Variants in WDR70 observed in about 807,000 individuals in gnomAD.
WDR70 encodes WD repeat domain 70, also known as WD repeat-containing protein 70.
A neutral mutation model predicts 88.6 loss-of-function variants in WDR70; 53 were observed. The observed-to-expected ratio is 0.60, with a 90% CI of 0.48 to 0.75. WDR70 has a LOEUF of 0.75. Ranked by LOEUF, WDR70 falls within the 30% of genes least tolerant of loss-of-function variation. WDR70 has a pLI of 0.00. For missense variants in WDR70, 610 were observed against 823.2 expected, an observed-to-expected ratio of 0.74 and a Z score of 3.17; for synonymous variants, 280 against 270.0, an observed-to-expected ratio of 1.04 and a Z score of -0.36.
At position 37,481,348 on chromosome 5, in the gene WDR70, A is replaced by G. The variant is rs1321065859; in HGVS notation, c.840+1361A>G. Among the ~76,000 whole-genome samples the G allele has an allele frequency of 3.3e-5, 5 of 152,246 alleles. No homozygotes were observed. The East Asian group carries it at 5.8e-4, about 18-fold the overall frequency. ...CATGAGGGCCCCCCCCGCTCCCTGC[A>G]GCAAACTTTTGCCTGGATTTTCAGG... On this transcript the variant is annotated intron_variant, in intron 8 of 17. Coordinates refer to ENST00000265107, the MANE Select transcript of WDR70 (RefSeq NM_018034.4).
chr5:37,452,137 T>A (rs1394833130), intron 7 of WDR70, among the ~76,000 whole-genome samples: 1 of 152,240 alleles, frequency 6.6e-6, no homozygotes, highest in Non-Finnish European at 1.5e-5. Context: ...ATGTTAATGA[T>A]CGCTGCTTGT....
intron 8 of WDR70, among the ~76,000 whole-genome samples, chr5:37,482,545 T>G (rs1739705636): frequency 6.6e-6 from 1 of 152,208 alleles, no homozygotes; most frequent in African/African-American, 2.4e-5. Context: ...GATTCAGTTA[T>G]CTGCACCTGG....
chr5:37,414,144 CAAAAAA>C (rs59026349), intron 5 of WDR70, among the ~76,000 whole-genome samples: 19 of 94,090 alleles, frequency 2.0e-4, no homozygotes, highest in Admixed American at 1.9e-3. Context: ...AACTCTGTCT[CAAAAAA>C]AAAAAAAAAA....
In WDR70 at chr5:37,669,627, C is replaced by T. The variant is rs111772768; in HGVS notation, c.1093-28028C>T. Among the ~76,000 whole-genome samples the T allele has an allele frequency of 5.4e-4, 82 of 152,010 alleles. 2 individuals are homozygous for T. The highest frequency in any genetic ancestry group is 1.8e-3 in the African/African-American group (75 of 41,440). On this transcript the variant is annotated intron_variant, in intron 10 of 17. Transcript: ENST00000265107. ...GTCTGGGTCCTCTGAGAAGCAGACA[C>T]CAAGACAGGATTAAATGTGTAAGAG...
intron 10 of WDR70, chr5:37,688,070 C>T: frequency 2.0e-6 from 1 of 495,848 alleles, no homozygotes; most frequent in Non-Finnish European, 3.6e-6. Context: ...CATGTGTTTA[C>T]TTATATTTTC....
chr5:37,532,060 T>G (rs1741509577), intron 9 of WDR70, among the ~76,000 whole-genome samples: 1 of 152,212 alleles, frequency 6.6e-6, no homozygotes, highest in African/African-American at 2.4e-5. Context: ...GAAAATTGTT[T>G]TGTTTAAGGA....
intron 13 of WDR70, among the ~76,000 whole-genome samples, chr5:37,716,054 T>C (rs1196192247): frequency 2.0e-5 from 3 of 152,164 alleles, no homozygotes; most frequent in Admixed American, 6.5e-5. Context: ...GGCTTTTCAT[T>C]TGAAAATTGT....
At chr5:37,503,575 C>T (rs992565069) in intron 8 of WDR70, among the ~76,000 whole-genome samples, 6 of 152,186 alleles carry the variant, frequency 3.9e-5, no homozygotes, top group African/African-American at 1.2e-4. Flanking sequence ...CAGCTCCATC[C>T]ACATCCCTGC....
intron 5 of WDR70, among the ~76,000 whole-genome samples, chr5:37,399,712 G>A (rs1200967822): frequency 6.6e-6 from 1 of 151,824 alleles, no homozygotes; most frequent in African/African-American, 2.4e-5. Context: ...TATAATCTTT[G>A]TTTATTTTGA....
chr5:37,614,098 A>G (rs182102368), intron 10 of WDR70, among the ~76,000 whole-genome samples: 6 of 152,364 alleles, frequency 3.9e-5, no homozygotes, highest in East Asian at 1.9e-4. Flanking sequence ...TTACAATTCT[A>G]TAGGCTAAAG....
intron 10 of WDR70, among the ~76,000 whole-genome samples, chr5:37,683,663 T>G (rs1298208478): frequency 6.6e-6 from 1 of 152,222 alleles, no homozygotes; most frequent in Non-Finnish European, 1.5e-5. Context: ...ATGTTGAATA[T>G]TGGCTCCCAG....
intron 6 of WDR70, among the ~76,000 whole-genome samples, chr5:37,439,760 A>G (rs1340665005): frequency 6.6e-6 from 1 of 151,894 alleles, no homozygotes; most frequent in East Asian, 1.9e-4. Flanking sequence ...AAAAAGGTCC[A>G]TAAGGCCAAT....
intron 9 of WDR70, among the ~76,000 whole-genome samples, chr5:37,523,870 A>T (rs1413859921): frequency 6.6e-6 from 1 of 152,228 alleles, no homozygotes; most frequent in Non-Finnish European, 1.5e-5. Flanking sequence ...AACTGGAATA[A>T]AGGGTATCAG....
chr5:37,689,096 C>G (rs1179834921), intron 10 of WDR70, among the ~76,000 whole-genome samples: 2 of 152,198 alleles, frequency 1.3e-5, no homozygotes, highest in Non-Finnish European at 2.9e-5. Flanking sequence ...GCGCAGCAGT[C>G]TGAGATCGAA....
At position 37,633,751 on chromosome 5, in the gene WDR70, A is replaced by T. The variant is rs1050740075; in HGVS notation, c.1092+28513A>T. On this transcript the variant is annotated intron_variant, in intron 10 of 17. Coordinates refer to ENST00000265107, the MANE Select transcript of WDR70 (RefSeq NM_018034.4). Reference sequence around the variant, plus strand: ...AATACATGATAGGCATTATTTTTATATTGATAAATTAAGAATACTTTGGTT... The same window carrying T: ...AATACATGATAGGCATTATTTTTATTTTGATAAATTAAGAATACTTTGGTT... Among the ~76,000 whole-genome samples the T allele has an allele frequency of 5.4e-5, 8 of 148,418 alleles. No individual in the cohort carries two copies. In the Admixed American group the frequency reaches 5.5e-4, roughly 10 times the overall value.
chr5:37,710,740 T>C (rs577657948), intron 13 of WDR70, among the ~76,000 whole-genome samples: 317 of 152,318 alleles, frequency 2.1e-3, no homozygotes, highest in African/African-American at 7.3e-3. Context: ...GAAAACTCAG[T>C]TGGACTGATC....
intron 9 of WDR70, among the ~76,000 whole-genome samples, chr5:37,582,942 A>T (rs768499979): frequency 1.3e-5 from 2 of 152,242 alleles, no homozygotes; most frequent in Non-Finnish European, 2.9e-5. Context: ...TGATGGTAAA[A>T]TGCTGCTTAG....
rs535452737 is a variant in WDR70 at position 37,584,757 on chromosome 5, C to T, written c.918-20307C>T. Among the ~76,000 whole-genome samples, 19 of 151,868 alleles carry T rather than the reference C, an allele frequency of 1.3e-4. No homozygotes were observed. In the East Asian group the frequency reaches 3.5e-3, roughly 28 times the overall value. On this transcript the variant is annotated intron_variant, in intron 9 of 17. Coordinates refer to ENST00000265107, the MANE Select transcript of WDR70 (RefSeq NM_018034.4). ...CCCAAGAAGAAGTTGTTCCAGAAGC[C>T]ATAGTGAGCCCTGGCAGCACTCACA...
intron 3 of WDR70, among the ~76,000 whole-genome samples, chr5:37,388,426 C>T (rs1281002895): frequency 1.4e-5 from 2 of 138,746 alleles, no homozygotes; most frequent in South Asian, 2.3e-4. Flanking sequence ...GAAATACAGA[C>T]TTTTTTTTTT....
Sources: gnomAD v4.1 joint callset for allele counts (sites outside exome capture counted in the v4.1 genomes callset) on GRCh38, gnomAD v4.1.1 for gene constraint, MANE v1.5 for transcripts, NCBI Gene and HGNC (gene_info 2026-07-23, HGNC 2026-07-21) for gene names.